BSPRY: variants seen among roughly 807,000 people sequenced by gnomAD.
BSPRY encodes B-box and SPRY domain containing, also known as B box and SPRY domain-containing protein.
BSPRY carries 33 observed loss-of-function variants against 38.0 expected under a neutral mutation model. The ratio of observed to expected loss-of-function variants is 0.87; its 90% confidence interval spans 0.66 to 1.16. BSPRY has a LOEUF of 1.16. BSPRY is among the 50% of genes most tolerant of loss of function. BSPRY has a pLI of 0.00. For missense variants in BSPRY, 523 were observed against 533.2 expected (o/e 0.98, Z 0.19); for synonymous variants, 224 against 228.5 (o/e 0.98, Z 0.18).
chr9:113,362,240 G>T, intron 3 of BSPRY, 129 bp from the exon 4 acceptor site: 7 of 712,382 alleles, frequency 9.8e-6, no homozygotes, highest in East Asian at 9.6e-5. Flanking sequence ...GCTTTATGCT[G>T]GTCTTAAAGA....
intron 5 of BSPRY, among the ~76,000 whole-genome samples, chr9:113,368,644 T>C (rs7857932): frequency 0.096 from 14,608 of 152,230 alleles, 826 homozygotes; most frequent in African/African-American, 0.16. Context: ...GTCTTCCTTA[T>C]ATCCTGACCT....
Position 113,369,931 on chromosome 9 carries a change from A to C in BSPRY, c.998A>C (p.Glu333Ala). Residue 333 changes from glutamate to alanine, a missense_variant, in exon 6 of 6, where the codon GAG becomes GCG. Coordinates refer to ENST00000374183, the MANE Select transcript of BSPRY (RefSeq NM_017688.3). ...TGGGTCTTCTCTCGCTATGATCAGG[A>C]GTTTCGTTTCTCACACAATGGGCAG... ...FSWVFSRYDQ[E>A]FRFSHNGQHE... 1 of 1,614,054 alleles carries C rather than the reference A, an allele frequency of 6.2e-7. No homozygotes were observed. The highest frequency in any genetic ancestry group is 8.5e-7 in the Non-Finnish European group (1 of 1,180,000).
intron 1 of BSPRY, among the ~76,000 whole-genome samples, chr9:113,351,782 CT>C (rs200675169): frequency 6.6e-6 from 1 of 151,494 alleles, no homozygotes. Flanking sequence ...TTTCTCTTTC[CT>C]TTTTTTTTAA....
rs556465209 is a variant in BSPRY, at chr9:113,359,344, A to G, written c.301-1163A>G. On this transcript the variant is annotated intron_variant, in intron 2 of 5. Transcript: ENST00000374183. ...TGTTATGTTGCCTCAAGAGCACACT[A>G]TAAACTTGGAGTCTTACCTTCTGGG... 2.0e-5 allele frequency among the ~76,000 whole-genome samples: 3 copies of G among 152,358 alleles called. No homozygotes were observed. The South Asian group carries it at 6.2e-4, about 32-fold the overall frequency.
At position 113,369,761 on chromosome 9, in the gene BSPRY, G is replaced by C; in HGVS notation, c.828G>C (p.Leu276=). The change falls in exon 6 of 6, where the codon CTG becomes CTC. Residue 276 remains leucine, a synonymous_variant. Transcript: ENST00000374183. The part of the protein sequence containing the change: ...PERFDHWPNA[L]AATSFQNGLH... ...GCTTCGACCACTGGCCCAATGCCCT[G>C]GCTGCCACCTCCTTCCAGAATGGGC... is the stretch of plus-strand genomic sequence containing the variant. 1.2e-6 allele frequency: 2 copies of C among 1,614,228 alleles called. No individual in the cohort carries two copies. The highest frequency in any genetic ancestry group is 1.7e-6 in the Non-Finnish European group (2 of 1,180,038).
At position 113,355,675 on chromosome 9, in the gene BSPRY, C is replaced by T. The variant is rs144612429; in HGVS notation, c.300+1337C>T. Among the ~76,000 whole-genome samples the T allele has an allele frequency of 7.2e-3, 1,085 of 150,672 alleles. 94 individuals carry two copies. In the East Asian group the frequency reaches 0.19, roughly 26 times the overall value. On this transcript the variant is annotated intron_variant, in intron 2 of 5. Coordinates refer to ENST00000374183, the MANE Select transcript of BSPRY (RefSeq NM_017688.3). The stretch of plus-strand genomic sequence containing the variant: ...TGTTGCTCAGACTGGAGTGCAATGG[C>T]GCGATCTCGGCTCACTGAAACCTCC...
Position 113,359,399 on chromosome 9 carries a change from C to T in BSPRY, c.301-1108C>T, listed in dbSNP as rs1292261369. Among the ~76,000 whole-genome samples, 6 of 152,210 alleles carry T rather than the reference C, an allele frequency of 3.9e-5. 1 individual carries two copies. Among genetic ancestry groups the T allele is most frequent in the African/African-American group, 1.4e-4 (6 of 41,448 alleles). Reference sequence around the variant, plus strand: ...CTTGCCATTCACTTAGCTAGTCTCTCCTCCCTGTAAGGCAAACTGTGGGTC... The same window carrying T: ...CTTGCCATTCACTTAGCTAGTCTCTTCTCCCTGTAAGGCAAACTGTGGGTC... On this transcript the variant is annotated intron_variant, in intron 2 of 5. Transcript: ENST00000374183.
chr9:113,363,498 T>C (rs1195807208), intron 4 of BSPRY, among the ~76,000 whole-genome samples: 2 of 152,086 alleles, frequency 1.3e-5, no homozygotes, highest in Non-Finnish European at 2.9e-5. Context: ...CCCAATCCTA[T>C]TCCCTGACAG....
rs576572264 is a variant in BSPRY, at chr9:113,364,344, T to G, written c.557+1950T>G. Among the ~76,000 whole-genome samples, 36 of 152,312 alleles carry G rather than the reference T, an allele frequency of 2.4e-4. No individual in the cohort carries two copies. The South Asian group carries it at 7.5e-3, about 32-fold the overall frequency. ...ATATTGCAGTGTAGACGGATCATAT[T>G]TATTTTACTGTCTCCTAACGCATGC... On this transcript the variant is annotated intron_variant, in intron 4 of 5. Coordinates refer to ENST00000374183, the MANE Select transcript of BSPRY (RefSeq NM_017688.3).
At position 113,354,477 on chromosome 9, in the gene BSPRY, C is replaced by G. The variant is rs1055844150; in HGVS notation, c.300+139C>G. 8 of 668,644 alleles carry G rather than the reference C, an allele frequency of 1.2e-5. No homozygotes were observed. In the African/African-American group the frequency reaches 1.4e-4, roughly 12 times the overall value. The allele number at this position is 668,644 out of a possible 1,614,324, so 41.4% of individuals were successfully genotyped here. On this transcript the variant is annotated intron_variant, in intron 2 of 5. Coordinates refer to ENST00000374183, the MANE Select transcript of BSPRY (RefSeq NM_017688.3). ...AGCAAAGCTTCTCATCCCTCAGAGA[C>G]TCAATTTTACCATCTGGGCAGGGTG...
intron 2 of BSPRY, among the ~76,000 whole-genome samples, chr9:113,359,047 A>AGAAAG (rs1005180213): frequency 1.3e-5 from 1 of 74,714 alleles, no homozygotes; most frequent in Non-Finnish European, 2.5e-5. Flanking sequence ...AGAAAAGAAA[A>AGAAAG]GAAAAAAAAA....
intron 2 of BSPRY, among the ~76,000 whole-genome samples, chr9:113,358,633 G>A (rs1039825267): frequency 4.6e-5 from 7 of 152,100 alleles, no homozygotes; most frequent in Admixed American, 4.6e-4. Flanking sequence ...ATTCTGAGAG[G>A]GTTTTTGGTT....
rs940094953 is a variant in BSPRY, at chr9:113,370,448, A to G, written c.*306A>G. The G allele has an allele frequency of 1.7e-5, 4 of 241,068 alleles. No individual in the cohort carries two copies. The highest frequency in any genetic ancestry group is 9.0e-5 in the African/African-American group (4 of 44,432). The allele number at this position is 241,068 out of a possible 1,614,324, so 14.9% of individuals were successfully genotyped here. A position where few individuals can be genotyped will look rare whatever the true frequency, so the allele number is the denominator to read the frequency against. On this transcript the variant is annotated 3_prime_UTR_variant, in exon 6 of 6. Transcript: ENST00000374183. The surrounding 1 kb of genome is among the most constrained non-coding windows in gnomAD (Gnocchi z 4.8). Reference sequence around the variant, plus strand: ...AAAGTCTGTGTATAATTTTTGTGATATCTGCCACCACAGATAAGCAAAAAA... The same window carrying G: ...AAAGTCTGTGTATAATTTTTGTGATGTCTGCCACCACAGATAAGCAAAAAA...
At chr9:113,360,379 C>G (rs1044818795) in intron 2 of BSPRY, 128 bp from the exon 3 acceptor site, 30 of 845,246 alleles carry the variant, frequency 3.5e-5, no homozygotes, top group Admixed American at 1.2e-4. Flanking sequence ...GCTATTATTT[C>G]CATTACTAAG....
chr9:113,356,285 A>T (rs972994007), intron 2 of BSPRY, among the ~76,000 whole-genome samples: 4 of 152,114 alleles, frequency 2.6e-5, no homozygotes, highest in African/African-American at 9.7e-5. Flanking sequence ...CGGGTGGATC[A>T]CGAGGTCAGG....
intron 4 of BSPRY, among the ~76,000 whole-genome samples, chr9:113,366,076 A>G (rs1834246342): frequency 6.6e-6 from 1 of 152,150 alleles, no homozygotes; most frequent in African/African-American, 2.4e-5. Flanking sequence ...AAGTGCTGGG[A>G]TTACAGGCAT....
rs777005870 is a variant in BSPRY at position 113,362,319 on chromosome 9, C to T, written c.532-50C>T. On this transcript the variant is annotated intron_variant, in intron 3 of 5. Coordinates refer to ENST00000374183, the MANE Select transcript of BSPRY (RefSeq NM_017688.3). ...AGTTAAATCTGTCTTAGCATTGACT[C>T]CCTGCTGGGTATCTGGTGCCAAGCT... 45 of 1,609,436 alleles carry T rather than the reference C, an allele frequency of 2.8e-5. 2 individuals are homozygous for T. The South Asian group carries it at 4.6e-4, about 17-fold the overall frequency.
At chr9:113,357,523 G>A (rs1834078836) in intron 2 of BSPRY, among the ~76,000 whole-genome samples, 1 of 152,118 alleles carries the variant, frequency 6.6e-6, no homozygotes, top group Non-Finnish European at 1.5e-5. Flanking sequence ...ATCAGATTTG[G>A]TATCAAGGTT....
chr9:113,351,687 T>G (rs1165963117), intron 1 of BSPRY, among the ~76,000 whole-genome samples: 2 of 152,218 alleles, frequency 1.3e-5, no homozygotes, highest in African/African-American at 4.8e-5. Context: ...AGGTATCACC[T>G]GGAGAAACGG....
Sources: gnomAD v4.1 joint callset for allele counts (sites outside exome capture counted in the v4.1 genomes callset) on GRCh38, gnomAD v4.1.1 for gene constraint, Gnocchi (gnomAD v3.1) non-coding constraint, MANE v1.5 for transcripts, NCBI Gene and HGNC (gene_info 2026-07-23, HGNC 2026-07-21) for gene names.